The following NTRK2 variants were observed in gnomAD, a reference collection of about 807,000 sequenced individuals.
The protein encoded by NTRK2 is BDNF/NT-3 growth factors receptor.
A neutral mutation model predicts 94.5 loss-of-function variants in NTRK2; 13 were observed. The ratio of observed to expected loss-of-function variants is 0.14; its 90% CI spans 0.09 to 0.22. The LOEUF (loss-of-function observed/expected upper bound fraction) is 0.22. Among genes scored for constraint, NTRK2 ranks in the 10% least tolerant of loss-of-function variants. The pLI, the probability that NTRK2 is intolerant of heterozygous loss-of-function variation, is 1.00. For missense variants in NTRK2, 639 were observed against 1,071.2 expected (o/e 0.60, Z 5.63); for synonymous variants, 372 against 407.4 (o/e 0.91, Z 1.05).
intron 16 of NTRK2, among the ~76,000 whole-genome samples, chr9:84,949,581 C>T (rs531829407): frequency 1.3e-5 from 2 of 152,330 alleles, no homozygotes; most frequent in South Asian, 4.1e-4. Flanking sequence ...GATTCTCCCA[C>T]CTCAACCTCC....
chr9:84,812,631 G>A, intron 12 of NTRK2: 1 of 1,046,484 alleles, frequency 9.6e-7, no homozygotes, highest in Non-Finnish European at 1.2e-6. Flanking sequence ...CAGGAGCTCA[G>A]TATGGCAAAG....
intron 17 of NTRK2, among the ~76,000 whole-genome samples, chr9:84,993,237 G>A (rs1829319109): frequency 6.6e-6 from 1 of 152,086 alleles, no homozygotes; most frequent in Non-Finnish European, 1.5e-5. Context: ...CCAGGCGTCA[G>A]TGACCACTGC....
chr9:84,940,596 G>C (rs2078374264), intron 15 of NTRK2, among the ~76,000 whole-genome samples: 1 of 152,170 alleles, frequency 6.6e-6, no homozygotes, highest in South Asian at 2.1e-4. Context: ...CTTCCATCCA[G>C]TCATCTGAGG....
intron 17 of NTRK2, among the ~76,000 whole-genome samples, chr9:84,977,399 A>C (rs186383957): frequency 6.6e-6 from 1 of 152,340 alleles, no homozygotes; most frequent in African/African-American, 2.4e-5. Flanking sequence ...AATGCAAAAA[A>C]ACATGGTTCT....
intron 17 of NTRK2, among the ~76,000 whole-genome samples, chr9:84,987,659 G>A (rs1236668756): frequency 1.4e-5 from 2 of 146,464 alleles, no homozygotes; most frequent in African/African-American, 4.9e-5. Context: ...TGGTAAACAT[G>A]AGGAGAATTA....
At chr9:84,812,079 G>A in intron 12 of NTRK2, 1 of 1,059,808 alleles carries the variant, frequency 9.4e-7, no homozygotes, top group Non-Finnish European at 1.1e-6. Flanking sequence ...GGAAATAGTT[G>A]CACAAATGCT....
At chr9:85,019,734 G>A (rs1257643858) in intron 17 of NTRK2, among the ~76,000 whole-genome samples, 1 of 152,124 alleles carries the variant, frequency 6.6e-6, no homozygotes, top group Non-Finnish European at 1.5e-5. Flanking sequence ...ATGGTGGAGG[G>A]GTTTGAATCA....
At chr9:84,675,147 T>C (rs2058955744) in intron 2 of NTRK2, among the ~76,000 whole-genome samples, 1 of 152,126 alleles carries the variant, frequency 6.6e-6, no homozygotes, top group African/African-American at 2.4e-5. Context: ...ATAAAGGTGT[T>C]TTCTAAGCTG....
intron 17 of NTRK2, among the ~76,000 whole-genome samples, chr9:85,019,129 A>G (rs571394535): frequency 6.6e-6 from 1 of 152,298 alleles, no homozygotes; most frequent in East Asian, 1.9e-4. Context: ...TCCAGACACT[A>G]TTAGTTTATT....
chr9:84,921,770 A>G (rs867483917), intron 14 of NTRK2, among the ~76,000 whole-genome samples: 3 of 152,338 alleles, frequency 2.0e-5, no homozygotes, highest in Middle Eastern at 3.4e-3. Flanking sequence ...ATCCTCCTCT[A>G]TGTAGTGGGG....
intron 13 of NTRK2, 120 bp from the exon 14 acceptor site, chr9:84,867,123 C>T: frequency 1.1e-6 from 1 of 907,626 alleles, no homozygotes; most frequent in African/African-American, 1.6e-5. Context: ...TTGTACTACT[C>T]TGTGAATATA....
chr9:84,964,715 C>T (rs1337619903), intron 17 of NTRK2, among the ~76,000 whole-genome samples: 1 of 152,212 alleles, frequency 6.6e-6, no homozygotes, highest in Non-Finnish European at 1.5e-5. Flanking sequence ...ATGTTTGTTT[C>T]TCATCTCTCA....
In NTRK2 at chr9:84,810,476, TG is replaced by T. The variant is rs1489366982; in HGVS notation, c.1397-50563del. The stretch of plus-strand genomic sequence containing the variant: ...ATGTTCATTTGAAAGTTATTGTACT[TG>T]TATGTTAATTTTCATTGATTTTTCT... On this transcript the variant is annotated intron_variant, in intron 12 of 18. Coordinates refer to ENST00000277120, the MANE Select transcript of NTRK2 (RefSeq NM_006180.6). 2.9e-6 allele frequency: 4 copies of T among 1,389,780 alleles called. No homozygotes were observed. The African/African-American group carries it at 5.7e-5, about 20-fold the overall frequency. 86.1% of individuals were successfully genotyped at this position (1,389,780 alleles called of 1,614,324 possible).
At chr9:84,671,977 C>T (rs1421145385) in intron 2 of NTRK2, among the ~76,000 whole-genome samples, 2 of 152,050 alleles carry the variant, frequency 1.3e-5, no homozygotes, top group Non-Finnish European at 2.9e-5. Context: ...AGATTTTATT[C>T]GTATACGTGG....
chr9:84,882,361 G>A (rs918813323), intron 14 of NTRK2, among the ~76,000 whole-genome samples: 7 of 152,154 alleles, frequency 4.6e-5, no homozygotes, highest in Non-Finnish European at 1.0e-4. Context: ...ATTCAAAATT[G>A]ACAACAAGGG....
chr9:84,873,402 A>T, intron 14 of NTRK2: 1 of 1,059,102 alleles, frequency 9.4e-7, no homozygotes, highest in South Asian at 4.6e-5. Context: ...TGCTTCTTTT[A>T]TGGCACACTG....
At position 85,026,519 on chromosome 9, in the gene NTRK2, T is replaced by C. The variant is rs971158031; in HGVS notation, c.*5082T>C. 3 of 232,596 alleles carry C rather than the reference T, an allele frequency of 1.3e-5. No individual in the cohort carries two copies. The highest frequency in any genetic ancestry group is 6.6e-5 in the African/African-American group (3 of 45,304). 14.4% of individuals were successfully genotyped at this position (232,596 alleles called of 1,614,324 possible). ...AAATGTATAAAGCAGCTGGAAATGT[T>C]TTAAATACAAGGTCTTTGAATTAAA... On this transcript the variant is annotated 3_prime_UTR_variant, in exon 19 of 19. Coordinates refer to ENST00000277120, the MANE Select transcript of NTRK2 (RefSeq NM_006180.6).
At chr9:84,842,815 A>G (rs1203823032) in intron 12 of NTRK2, among the ~76,000 whole-genome samples, 1 of 152,236 alleles carries the variant, frequency 6.6e-6, no homozygotes, top group Admixed American at 6.5e-5. Context: ...ACCCACTGTT[A>G]GAGCCAATGC....
chr9:84,821,201 T>C (rs1307446558), intron 12 of NTRK2, among the ~76,000 whole-genome samples: 1 of 152,180 alleles, frequency 6.6e-6, no homozygotes, highest in Non-Finnish European at 1.5e-5. Context: ...TAAATATGCT[T>C]TGTCTTTTCT....
Sources: gnomAD v4.1 joint callset for allele counts (sites outside exome capture counted in the v4.1 genomes callset) on GRCh38, gnomAD v4.1.1 for gene constraint, MANE v1.5 for transcripts, NCBI Gene and HGNC (gene_info 2026-07-23, HGNC 2026-07-21) for gene names.